Variants in FBXW8 observed in about 807,000 individuals in gnomAD.
The protein encoded by FBXW8 is F-box/WD repeat-containing protein 8.
Under a neutral mutation model 65.3 loss-of-function variants are expected in FBXW8, and 57 were observed. That is an observed-to-expected ratio of 0.87 (90% CI 0.71 to 1.09). FBXW8 has a LOEUF of 1.09. FBXW8 is among the 50% of genes least tolerant of loss of function. FBXW8 has a pLI of 0.00. For synonymous variants in FBXW8, 308 were observed against 330.2 expected (o/e 0.93, Z 0.73); for missense variants, 777 against 814.8 (o/e 0.95, Z 0.57).
intron 1 of FBXW8, among the ~76,000 whole-genome samples, chr12:116,921,182 A>G (rs1880871435): frequency 6.6e-6 from 1 of 152,228 alleles, no homozygotes; most frequent in Admixed American, 6.5e-5. Flanking sequence ...TAAAAAAAGG[A>G]TAAATCAAAT....
Position 117,028,035 on chromosome 12 carries a change from G to C in FBXW8, c.1660G>C (p.Gly554Arg), listed in dbSNP as rs1313634482. Reference protein sequence around the residue: ...DSFTTHRRHRGLIRAYEFAVD... With the variant: ...DSFTTHRRHRRLIRAYEFAVD... Reference sequence around the variant, plus strand: ...TCTTTGTGCTCTTTCTAGACACCGGGGGCTGATCCGCGCCTATGAGTTTGC... The same window carrying C: ...TCTTTGTGCTCTTTCTAGACACCGGCGGCTGATCCGCGCCTATGAGTTTGC... The change falls in exon 11 of 11, where the codon GGG becomes CGG. Residue 554 changes from glycine (G) to arginine (R), a missense_variant. By Grantham distance (125) the Gly-to-Arg change is moderately radical. Transcript: ENST00000652555. The surrounding 1 kb of genome is among the most constrained non-coding windows in gnomAD (Gnocchi z 4.1). 2 of 1,614,022 alleles carry C rather than the reference G, an allele frequency of 1.2e-6. No individual in the cohort carries two copies. The highest frequency in any genetic ancestry group is 4.5e-5 in the East Asian group (2 of 44,878).
At chr12:116,945,595 C>A (rs1283211724) in intron 3 of FBXW8, 67 bp downstream of exon 3, 4 of 1,493,750 alleles carry the variant, frequency 2.7e-6, no homozygotes, top group Admixed American at 1.8e-5. Flanking sequence ...TCCAAGCTTT[C>A]ACTCATAGCC....
At chr12:116,978,244 C>T (rs945108155) in intron 5 of FBXW8, 14 of 152,138 alleles carry the variant, frequency 9.2e-5, no homozygotes, top group African/African-American at 3.4e-4. Flanking sequence ...TGACCCTTGT[C>T]TACACTGATA....
intron 1 of FBXW8, among the ~76,000 whole-genome samples, chr12:116,925,693 A>G (rs745352957): frequency 1.8e-4 from 27 of 152,338 alleles, no homozygotes; most frequent in Admixed American, 1.4e-3. Context: ...CAAAATTACA[A>G]TTCAATGCTT....
rs145963984 is a variant in FBXW8 at position 116,923,261 on chromosome 12, G to T, written c.319-4762G>T. Among the ~76,000 whole-genome samples, 22 of 151,608 alleles carry T rather than the reference G, an allele frequency of 1.5e-4. No individual in the cohort carries two copies. The East Asian group carries it at 4.3e-3, about 29-fold the overall frequency. ...CTGGAAATTCAGGGCAGTAGGTCTT[G>T]GTAGGGCCCTTGGCATTTTTTTTTT... is the stretch of plus-strand genomic sequence containing the variant. On this transcript the variant is annotated intron_variant, in intron 1 of 10. Transcript: ENST00000652555.
At chr12:117,023,383 A>C (rs953356505) in intron 8 of FBXW8, among the ~76,000 whole-genome samples, 6 of 152,150 alleles carry the variant, frequency 3.9e-5, no homozygotes, top group Non-Finnish European at 8.8e-5. Context: ...TACATTTATT[A>C]AATGTAATGA....
chr12:116,972,182 T>C (rs1293263665), intron 5 of FBXW8, among the ~76,000 whole-genome samples: 2 of 152,240 alleles, frequency 1.3e-5, no homozygotes, highest in Non-Finnish European at 2.9e-5. Context: ...AGCTGTTCTA[T>C]TTTATTACAG....
intron 1 of FBXW8, among the ~76,000 whole-genome samples, chr12:116,921,236 G>A (rs1009822929): frequency 6.6e-6 from 1 of 152,216 alleles, no homozygotes; most frequent in African/African-American, 2.4e-5. Context: ...AATGCACTGA[G>A]CTGGTTAGAT....
intron 2 of FBXW8, among the ~76,000 whole-genome samples, chr12:116,939,052 C>T (rs557688448): frequency 1.3e-5 from 2 of 152,302 alleles, no homozygotes; most frequent in African/African-American, 2.4e-5. Flanking sequence ...ACTGATTGAC[C>T]GGTAACCCAA....
At chr12:117,012,561 A>G (rs1352623718) in intron 8 of FBXW8, among the ~76,000 whole-genome samples, 2 of 152,198 alleles carry the variant, frequency 1.3e-5, no homozygotes, top group African/African-American at 4.8e-5. Flanking sequence ...AGGAAGCTAG[A>G]CTAAGTGTGG....
chr12:116,980,761 G>T (rs1885251044), intron 5 of FBXW8, among the ~76,000 whole-genome samples: 1 of 152,164 alleles, frequency 6.6e-6, no homozygotes, highest in Non-Finnish European at 1.5e-5. Flanking sequence ...CTCCTTTTCT[G>T]GGGTCTTAAA....
At chr12:116,995,835 C>T (rs551938315) in intron 7 of FBXW8, among the ~76,000 whole-genome samples, 24 of 152,290 alleles carry the variant, frequency 1.6e-4, no homozygotes, top group Admixed American at 8.5e-4. Flanking sequence ...TCAGTGTGAA[C>T]GCTGTTAATG....
At position 117,018,158 on chromosome 12, in the gene FBXW8, TTGG is replaced by T. The variant is rs769154920; in HGVS notation, c.1368-5985_1368-5983del. Among the ~76,000 whole-genome samples the T allele has an allele frequency of 2.6e-4, 39 of 152,278 alleles. 1 individual carries two copies. Among genetic ancestry groups the T allele is most frequent in the Admixed American group, 1.6e-3 (25 of 15,300 alleles). On this transcript the variant is annotated intron_variant, in intron 8 of 10. Coordinates refer to ENST00000652555, the MANE Select transcript of FBXW8 (RefSeq NM_153348.3). Reference sequence around the variant, plus strand: ...AAGGTTCTGGTGTCTTTTGTTTTAATTGGTGGGCTACCGCCGACTCCTATGGTG... The same window carrying T: ...AAGGTTCTGGTGTCTTTTGTTTTAATTGGGCTACCGCCGACTCCTATGGTG...
intron 4 of FBXW8, among the ~76,000 whole-genome samples, chr12:116,953,678 C>T (rs1883432325): frequency 6.6e-6 from 1 of 151,836 alleles, no homozygotes; most frequent in Non-Finnish European, 1.5e-5. Flanking sequence ...GAGGCTGAGG[C>T]AGGAGAATGG....
In FBXW8 at chr12:116,974,506, A is replaced by G. The variant is rs558188007; in HGVS notation, c.835+9652A>G. Reference sequence around the variant, plus strand: ...TAAAAAAAGTTGGAAAGCAAGCCACAAAAGGATCCAGCCGATTCTGAGTGT... The same window carrying G: ...TAAAAAAAGTTGGAAAGCAAGCCACGAAAGGATCCAGCCGATTCTGAGTGT... On this transcript the variant is annotated intron_variant, in intron 5 of 10. Coordinates refer to ENST00000652555, the MANE Select transcript of FBXW8 (RefSeq NM_153348.3). Among the ~76,000 whole-genome samples the G allele has an allele frequency of 1.1e-4, 16 of 152,380 alleles. No individual in the cohort carries two copies. The South Asian group carries it at 3.1e-3, about 30-fold the overall frequency.
Position 116,949,641 on chromosome 12 carries a change from G to A in FBXW8, c.612G>A (p.Glu204=), listed in dbSNP as rs751163360. The A allele has an allele frequency of 6.2e-7, 1 of 1,614,100 alleles. No homozygotes were observed. Among genetic ancestry groups the A allele is most frequent in the African/African-American group, 1.3e-5 (1 of 74,938 alleles). Residue 204 remains glutamate, a synonymous_variant, in exon 4 of 11, where the codon GAG becomes GAA. Transcript: ENST00000652555. ...NWKNRKGAVS[E]LEHVPDTVLC... ...AGAATCGCAAAGGTGCCGTGAGCGA[G>A]CTGGAGCATGTTCCTGACACAGTTT... is the stretch of plus-strand genomic sequence containing the variant.
chr12:117,026,560 AGCCCTGGCCCAGCCCACACAG>A (rs1303645208), intron 9 of FBXW8, among the ~76,000 whole-genome samples: 5 of 152,120 alleles, frequency 3.3e-5, no homozygotes, highest in Non-Finnish European at 5.9e-5. Flanking sequence ...CAAGGAGAGC[AGCCCTGGCCCAGCCCACACAG>A]GCCTCGTCCC....
intron 5 of FBXW8, among the ~76,000 whole-genome samples, chr12:116,977,103 G>C (rs1884995106): frequency 6.6e-6 from 1 of 152,216 alleles, no homozygotes; most frequent in Non-Finnish European, 1.5e-5. Context: ...GAGATGTTAG[G>C]CTGTCTGTGG....
chr12:116,944,611 A>G (rs1384149455), intron 2 of FBXW8, among the ~76,000 whole-genome samples: 1 of 152,184 alleles, frequency 6.6e-6, no homozygotes, highest in Non-Finnish European at 1.5e-5. Flanking sequence ...TCAGTTTCTC[A>G]TCTGCCAACA....
Sources: gnomAD v4.1 joint callset for allele counts (sites outside exome capture counted in the v4.1 genomes callset) on GRCh38, gnomAD v4.1.1 for gene constraint, Gnocchi (gnomAD v3.1) non-coding constraint, MANE v1.5 for transcripts, NCBI Gene and HGNC (gene_info 2026-07-23, HGNC 2026-07-21) for gene names.